The following ADARB2 variants were observed in gnomAD, a reference collection of about 807,000 sequenced individuals.
The protein encoded by ADARB2 is adenosine deaminase RNA specific B2 (inactive).
In ADARB2, 25 loss-of-function variants were observed where a neutral mutation model predicts 62.2. That is an observed-to-expected ratio of 0.40 (90% CI 0.29 to 0.56). The LOEUF (loss-of-function observed/expected upper bound fraction) is 0.56. ADARB2 is among the 20% of genes least tolerant of loss of function. The pLI, the probability that ADARB2 is intolerant of heterozygous loss-of-function variation, is 0.43. For synonymous variants in ADARB2, 572 were observed against 500.8 expected (o/e 1.14, Z -1.90); for missense variants, 1,071 against 1,077.4 (o/e 0.99, Z 0.08).
intron 3 of ADARB2, among the ~76,000 whole-genome samples, chr10:1,312,163 G>T (rs1015304218): frequency 1.3e-5 from 2 of 152,232 alleles, no homozygotes; most frequent in African/African-American, 2.4e-5. Flanking sequence ...CAGGCGGCAA[G>T]TTTCACTGAC....
At chr10:1,374,115 G>A (rs527884621) in intron 2 of ADARB2, among the ~76,000 whole-genome samples, 64 of 152,318 alleles carry the variant, frequency 4.2e-4, no homozygotes, top group Non-Finnish European at 7.4e-4. Context: ...AGACCTCTTA[G>A]AATGAGGCAT....
chr10:1,420,950 C>A (rs1193858426), intron 1 of ADARB2, among the ~76,000 whole-genome samples: 1 of 152,082 alleles, frequency 6.6e-6, no homozygotes, highest in Admixed American at 6.6e-5. Flanking sequence ...TTCCTGCCTG[C>A]CCTGCGCCGC....
chr10:1,262,585 C>T (rs1003191267), intron 4 of ADARB2, among the ~76,000 whole-genome samples: 7 of 152,124 alleles, frequency 4.6e-5, no homozygotes, highest in South Asian at 2.1e-4. Context: ...CCACAGATAC[C>T]ATCTCACACC....
intron 3 of ADARB2, among the ~76,000 whole-genome samples, chr10:1,293,703 ATC>A (rs1173159682): frequency 6.6e-6 from 1 of 152,104 alleles, no homozygotes; most frequent in African/African-American, 2.4e-5. Context: ...TTTCTATGTC[ATC>A]TCTTTTTGTT....
At chr10:1,210,842 G>A (rs1344450831) in intron 7 of ADARB2, among the ~76,000 whole-genome samples, 4 of 152,190 alleles carry the variant, frequency 2.6e-5, no homozygotes, top group Non-Finnish European at 5.9e-5. Context: ...CCCTTCCCGC[G>A]CTGGGGCCTC....
chr10:1,482,316 G>T (rs1831484861), intron 1 of ADARB2, among the ~76,000 whole-genome samples: 1 of 152,318 alleles, frequency 6.6e-6, no homozygotes, highest in South Asian at 2.1e-4. Context: ...ACAGCCAAAA[G>T]GTAGAAACAA....
chr10:1,617,778 AC>A (rs1833661860), intron 1 of ADARB2, among the ~76,000 whole-genome samples: 1 of 112,906 alleles, frequency 8.9e-6, no homozygotes, highest in African/African-American at 3.4e-5. Flanking sequence ...ACTCCACACC[AC>A]CCTGCTGAGC....
chr10:1,354,679 C>A (rs540252980), intron 3 of ADARB2, among the ~76,000 whole-genome samples: 1 of 152,236 alleles, frequency 6.6e-6, no homozygotes, highest in Non-Finnish European at 1.5e-5. Context: ...GAAGGTGGCA[C>A]CCCATGTGCT....
At chr10:1,506,721 C>T (rs1253541606) in intron 1 of ADARB2, among the ~76,000 whole-genome samples, 4 of 152,208 alleles carry the variant, frequency 2.6e-5, no homozygotes, top group African/African-American at 9.7e-5. Context: ...GCTATAAGTA[C>T]CCGCTGTGGA....
intron 3 of ADARB2, among the ~76,000 whole-genome samples, chr10:1,271,739 A>C (rs1831265410): frequency 6.6e-6 from 1 of 152,214 alleles, no homozygotes; most frequent in Non-Finnish European, 1.5e-5. Flanking sequence ...GACAGCACAC[A>C]CAGTGTGGCT....
intron 1 of ADARB2, among the ~76,000 whole-genome samples, chr10:1,589,634 C>T (rs1281095907): frequency 1.3e-5 from 2 of 152,206 alleles, no homozygotes; most frequent in Non-Finnish European, 1.5e-5. Context: ...CTTCTGTCCT[C>T]GGCTGCTTGT....
intron 1 of ADARB2, among the ~76,000 whole-genome samples, chr10:1,408,337 G>A (rs1832724353): frequency 6.6e-6 from 1 of 152,182 alleles, no homozygotes; most frequent in African/African-American, 2.4e-5. Context: ...GAGCATCAGT[G>A]TTTTTAGATA....
At chr10:1,679,871 C>T (rs1834513078) in intron 1 of ADARB2, among the ~76,000 whole-genome samples, 1 of 152,128 alleles carries the variant, frequency 6.6e-6, no homozygotes, top group Admixed American at 6.5e-5. Flanking sequence ...TGTGGGTTGT[C>T]ACTCTTAACA....
intron 1 of ADARB2, among the ~76,000 whole-genome samples, chr10:1,572,652 C>T (rs1375100663): frequency 6.6e-6 from 1 of 152,128 alleles, no homozygotes; most frequent in African/African-American, 2.4e-5. Flanking sequence ...ACTGAGCCCT[C>T]AGTAAATAGT....
At chr10:1,356,265 G>A (rs1437199039) in intron 3 of ADARB2, among the ~76,000 whole-genome samples, 2 of 152,172 alleles carry the variant, frequency 1.3e-5, no homozygotes, top group Non-Finnish European at 2.9e-5. Flanking sequence ...AACCCAGAAG[G>A]TGAGGTGCTG....
At chr10:1,648,743 C>T (rs11599764) in intron 1 of ADARB2, among the ~76,000 whole-genome samples, 25,158 of 152,126 alleles carry the variant, frequency 0.17, 2,634 homozygotes, top group Non-Finnish European at 0.23. Context: ...ATAGCGATAG[C>T]GGTGTCTTAG....
chr10:1,281,630 A>G (rs1193820942), intron 3 of ADARB2, among the ~76,000 whole-genome samples: 2 of 152,236 alleles, frequency 1.3e-5, no homozygotes, highest in Non-Finnish European at 2.9e-5. Flanking sequence ...AGGGGTGCAC[A>G]GAGACTGTCA....
chr10:1,712,170 A>G (rs55935058), intron 1 of ADARB2, among the ~76,000 whole-genome samples: 34,462 of 152,140 alleles, frequency 0.23, 4,463 homozygotes, highest in South Asian at 0.41. Context: ...CGTGCAGGAA[A>G]CTTCCTCCAG....
intron 3 of ADARB2, chr10:1,293,060 A>G (rs1831485254): frequency 1.1e-5 from 1 of 89,890 alleles, no homozygotes. Flanking sequence ...GGAGGGAGGG[A>G]AAGGGGGGAG....
Sources: gnomAD v4.1 joint callset for allele counts (sites outside exome capture counted in the v4.1 genomes callset) on GRCh38, gnomAD v4.1.1 for gene constraint, MANE v1.5 for transcripts, NCBI Gene and HGNC (gene_info 2026-07-23, HGNC 2026-07-21) for gene names.